The following OR6J1 variants were observed in gnomAD, a reference collection of about 807,000 sequenced individuals.
OR6J1 encodes olfactory receptor 6J1.
For missense variants in OR6J1, 304 were observed against 166.8 expected, an observed-to-expected ratio of 1.82 and a Z score of -4.53; for synonymous variants, 109 against 70.0, an observed-to-expected ratio of 1.56 and a Z score of -2.78.
chr14:22,635,398 G>A (rs149738693), intron 1 of OR6J1, among the ~76,000 whole-genome samples: 1 of 152,282 alleles, frequency 6.6e-6, no homozygotes, highest in East Asian at 1.9e-4. Flanking sequence ...ATTATTTTAA[G>A]CATTATTTAA....
intron 1 of OR6J1, among the ~76,000 whole-genome samples, chr14:22,635,508 A>C (rs1379601286): frequency 6.6e-6 from 1 of 152,202 alleles, no homozygotes; most frequent in Non-Finnish European, 1.5e-5. Flanking sequence ...AAATTAGCAA[A>C]GGTCCTAGAG....
At chr14:22,642,219 AAGT>A (rs1404651647) in intron 1 of OR6J1, among the ~76,000 whole-genome samples, 1 of 151,380 alleles carries the variant, frequency 6.6e-6, no homozygotes, top group Admixed American at 6.6e-5. Flanking sequence ...TATATAACTC[AAGT>A]ACCATACATT....
chr14:22,639,033 G>A (rs1313267459), intron 1 of OR6J1, among the ~76,000 whole-genome samples: 1 of 110,254 alleles, frequency 9.1e-6, no homozygotes, highest in Non-Finnish European at 1.8e-5. Flanking sequence ...TGGGAGGTGA[G>A]GAGCGTCTCT....
At chr14:22,634,944 G>C in intron 1 of OR6J1, 106 bp from the exon 2 acceptor site, 1 of 574,090 alleles carries the variant, frequency 1.7e-6, no homozygotes, top group Non-Finnish European at 3.1e-6. Flanking sequence ...CTGCCAGCTA[G>C]ACGTGTAATG....
chr14:22,642,369 C>T (rs2037659289), intron 1 of OR6J1, among the ~76,000 whole-genome samples: 2 of 131,504 alleles, frequency 1.5e-5, no homozygotes, highest in African/African-American at 6.3e-5. Context: ...GATGGAGTCT[C>T]GCTCTGTCAC....
In OR6J1 at chr14:22,639,265, C is replaced by T. The variant is rs1474237974; in HGVS notation, c.-27-4427G>A. 7.1e-5 allele frequency among the ~76,000 whole-genome samples: 9 copies of T among 127,422 alleles called. 1 individual carries two copies. Among genetic ancestry groups the T allele is most frequent in the Middle Eastern group, 3.4e-3 (1 of 292 alleles). The allele number at this position is 127,422 out of a possible 152,430, so 83.6% of individuals were successfully genotyped here. On this transcript the variant is annotated intron_variant, in intron 1 of 1. Coordinates refer to ENST00000540461, the MANE Select transcript of OR6J1 (RefSeq NM_001348233.2). ...GTCAGCCCCCCGCCAGGCCAGCCGC[C>T]CCGTCCGGGAGGTGAGGGGCGCCTC...
Position 22,631,793 on chromosome 14 carries a change from G to C in OR6J1, c.*1975C>G, listed in dbSNP as rs11852206. 37,658 of 153,708 alleles carry C rather than the reference G, an allele frequency of 0.24. 5,188 individuals carry two copies. The highest frequency in any genetic ancestry group is 0.36 in the African/African-American group (14,780 of 41,484). The allele number at this position is 153,708 out of a possible 1,614,324, so 9.5% of individuals were successfully genotyped here. ...TTCAGCCGGTCCCTCCGTTTGGGGT[G>C]CCTGACTTCCCGCAACACTAGTTAG... On this transcript the variant is annotated 3_prime_UTR_variant, in exon 2 of 2. Transcript: ENST00000540461.
In OR6J1 at chr14:22,641,278, GAAGA is replaced by G. The variant is rs1201130970; in HGVS notation, c.-28+2816_-28+2819del. On this transcript the variant is annotated intron_variant, in intron 1 of 1. Transcript: ENST00000540461. Reference sequence around the variant, plus strand: ...GAAAGAAAGAAAGAAAGGAAGGAAGGAAGAAAGAGAAGAAAGAGAGACAGAGAGG... The same window carrying G: ...GAAAGAAAGAAAGAAAGGAAGGAAGGAAGAGAAGAAAGAGAGACAGAGAGG... Among the ~76,000 whole-genome samples, 248 of 122,058 alleles carry G rather than the reference GAAGA, an allele frequency of 2.0e-3. 18 individuals carry two copies. The highest frequency in any genetic ancestry group is 0.018 in the Admixed American group (219 of 11,880). 80.1% of individuals were successfully genotyped at this position (122,058 alleles called of 152,430 possible).
chr14:22,639,398 C>T (rs1166792683), intron 1 of OR6J1, among the ~76,000 whole-genome samples: 3 of 122,920 alleles, frequency 2.4e-5, no homozygotes, highest in East Asian at 2.3e-4. Context: ...CCGCCCCGTC[C>T]GGGAGGTGAG....
At chr14:22,639,254 A>T (rs1394430522) in intron 1 of OR6J1, among the ~76,000 whole-genome samples, 5 of 113,624 alleles carry the variant, frequency 4.4e-5, no homozygotes, top group African/African-American at 9.6e-5. Context: ...GCCCCCCGCC[A>T]GGCCAGCCGC....
At position 22,634,268 on chromosome 14, in the gene OR6J1, G is replaced by T. The variant is rs775156119; in HGVS notation, c.544C>A (p.Pro182Thr). The T allele has an allele frequency of 4.0e-5, 28 of 703,364 alleles. No individual in the cohort carries two copies. The South Asian group carries it at 4.1e-4, about 10-fold the overall frequency. 43.6% of individuals were successfully genotyped at this position (703,364 alleles called of 1,614,324 possible). A position where few individuals can be genotyped will look rare whatever the true frequency, so the allele number is the denominator to read the frequency against. ...IINHFFCDSG[P>T]LLALACADTT... ...TCTGCACAGGCCAGGGCCAGCAAGG[G>T]TCCACTGTCACAGAAGAAGTGGTTA... Residue 182 changes from proline (P) to threonine (T), a missense_variant, in exon 2 of 2, where the codon CCC (proline) becomes ACC (threonine). Transcript: ENST00000540461.
chr14:22,631,037 G>T lies in OR6J1; in HGVS notation c.*2731C>A. ...TTTTTATTAGGGACTTTCAAAAGGG[G>T]AGGGAGTGTACGAATAGGTGTGGGT... On this transcript the variant is annotated 3_prime_UTR_variant, in exon 2 of 2. Transcript: ENST00000540461. 1 of 152,334 alleles carries T rather than the reference G, an allele frequency of 6.6e-6. No homozygotes were observed. Among genetic ancestry groups the T allele is most frequent in the East Asian group, 1.9e-4 (1 of 5,194 alleles). 9.4% of individuals were successfully genotyped at this position (152,334 alleles called of 1,614,324 possible). A position where few individuals can be genotyped will look rare whatever the true frequency, so the allele number is the denominator to read the frequency against.
In OR6J1 at chr14:22,634,693, C is replaced by A; in HGVS notation, c.119G>T (p.Gly40Val). The A allele has an allele frequency of 1.4e-6, 1 of 731,786 alleles. No individual in the cohort carries two copies. Among genetic ancestry groups the A allele is most frequent in the Non-Finnish European group, 2.5e-6 (1 of 398,124 alleles). 45.3% of individuals were successfully genotyped at this position (731,786 alleles called of 1,614,324 possible). A position where few individuals can be genotyped will look rare whatever the true frequency, so the allele number is the denominator to read the frequency against. Residue 40 changes from glycine (G) to valine (V), a missense_variant, in exon 2 of 2, where the codon GGG becomes GTG. Coordinates refer to ENST00000540461, the MANE Select transcript of OR6J1 (RefSeq NM_001348233.2). ...CACAGTGGAGATGATGAGCAGGTTC[C>A]CCAGAAGAGTCAGCAGGAACGTGGG... ...LLPTFLLTLL[G>V]NLLIISTVLS...
chr14:22,640,786 G>T (rs934578179), intron 1 of OR6J1, among the ~76,000 whole-genome samples: 1 of 151,434 alleles, frequency 6.6e-6, no homozygotes, highest in African/African-American at 2.4e-5. Context: ...TTCCCAAAGT[G>T]TTGGGATCAT....
At position 22,633,472 on chromosome 14, in the gene OR6J1, C is replaced by G. The variant is rs191191996; in HGVS notation, c.*296G>C. ...CCGATAGAACAGTTGTGTTCGGGAT[C>G]CATAAAGAAATGGGGCCAAACATGT... On this transcript the variant is annotated 3_prime_UTR_variant, in exon 2 of 2. Transcript: ENST00000540461. The G allele has an allele frequency of 6.1e-6, 2 of 329,232 alleles. No individual in the cohort carries two copies. Among genetic ancestry groups the G allele is most frequent in the Admixed American group, 4.4e-5 (1 of 22,488 alleles). The allele number at this position is 329,232 out of a possible 1,614,324, so 20.4% of individuals were successfully genotyped here.
Position 22,634,580 on chromosome 14 carries a change from G to T in OR6J1, c.232C>A (p.Pro78Thr). The T allele has an allele frequency of 1.4e-6, 1 of 713,640 alleles. No homozygotes were observed. Among genetic ancestry groups the T allele is most frequent in the Middle Eastern group, 2.3e-4 (1 of 4,382 alleles). 44.2% of individuals were successfully genotyped at this position (713,640 alleles called of 1,614,324 possible). A position where few individuals can be genotyped will look rare whatever the true frequency, so the allele number is the denominator to read the frequency against. ...GATCCTAAGTTGGCCAACACTTTTGGAGAGATGACTGAGGTGAAGAGGATG... is the reference window on the plus strand; with the variant it reads ...GATCCTAAGTTGGCCAACACTTTTGTAGAGATGACTGAGGTGAAGAGGATG... The part of the protein sequence containing the change: ...LDILFTSVIS[P>T]KVLANLGSRD... The change falls in exon 2 of 2, where the codon CCA becomes ACA. Residue 78 changes from proline (P) to threonine (T), a missense_variant. Physicochemically the swap from Pro to Thr is conservative, Grantham distance 38. Coordinates refer to ENST00000540461, the MANE Select transcript of OR6J1 (RefSeq NM_001348233.2).
chr14:22,635,922 G>T (rs887251851), intron 1 of OR6J1, among the ~76,000 whole-genome samples: 2 of 151,876 alleles, frequency 1.3e-5, no homozygotes, highest in Non-Finnish European at 2.9e-5. Context: ...AAACAGAAAA[G>T]AAAATATTAA....
In OR6J1 at chr14:22,633,446, GC is replaced by G. The variant is rs1195982133; in HGVS notation, c.*321del. 2 of 250,300 alleles carry G rather than the reference GC, an allele frequency of 8.0e-6. No individual in the cohort carries two copies. Among genetic ancestry groups the G allele is most frequent in the Non-Finnish European group, 1.5e-5 (2 of 130,612 alleles). The allele number at this position is 250,300 out of a possible 1,614,324, so 15.5% of individuals were successfully genotyped here. On this transcript the variant is annotated 3_prime_UTR_variant, in exon 2 of 2. Transcript: ENST00000540461. ...AAGTTCAGGAAGGACTTCGTGTCAA[GC>G]CGATAGAACAGTTGTGTTCGGGATC...
intron 1 of OR6J1, among the ~76,000 whole-genome samples, chr14:22,636,722 G>A (rs1483816101): frequency 7.7e-5 from 9 of 116,580 alleles, no homozygotes; most frequent in African/African-American, 1.4e-4. Context: ...AGTGCTCAGT[G>A]GTGCCCAGGC....
Sources: allele counts gnomAD v4.1 joint callset (sites outside exome capture counted in the v4.1 genomes callset), GRCh38; gene constraint gnomAD v4.1.1; transcripts MANE v1.5; gene names NCBI Gene and HGNC (gene_info 2026-07-23, HGNC 2026-07-21).